ESRRG: variants seen among roughly 807,000 people sequenced by gnomAD.
ESRRG encodes the protein estrogen related receptor gamma.
A neutral mutation model predicts 44.0 loss-of-function variants in ESRRG; 13 were observed. The observed-to-expected ratio is 0.30, with a 90% CI of 0.19 to 0.47. The LOEUF is 0.47. Ranked by LOEUF, ESRRG falls within the 20% of genes least tolerant of loss-of-function variation. The probability of loss-of-function intolerance (pLI) is 1.00; values close to 1 mark genes in which losing one functional copy is unlikely to be tolerated. For missense variants in ESRRG, 395 were observed against 580.6 expected (o/e 0.68, Z 3.29); for synonymous variants, 215 against 214.6 (o/e 1.00, Z -0.02).
chr1:216,607,019 G>C (rs1347733949), intron 3 of ESRRG, among the ~76,000 whole-genome samples: 2 of 152,134 alleles, frequency 1.3e-5, no homozygotes, highest in African/African-American at 4.8e-5. Context: ...CTTGAAAGAG[G>C]CTGTTCACAG....
chr1:216,957,005 A>G (rs2068073286), intron 1 of ESRRG, among the ~76,000 whole-genome samples: 2 of 152,238 alleles, frequency 1.3e-5, no homozygotes, highest in South Asian at 4.1e-4. Context: ...GAAAAGCATC[A>G]TATCACTGTG....
At chr1:216,946,275 G>A (rs894450022) in intron 1 of ESRRG, among the ~76,000 whole-genome samples, 29 of 152,260 alleles carry the variant, frequency 1.9e-4, no homozygotes, top group African/African-American at 6.5e-4. Flanking sequence ...GTAAAACCAA[G>A]CAACAGGCAC....
chr1:216,946,687 TC>T (rs1274044052), intron 1 of ESRRG, among the ~76,000 whole-genome samples: 1 of 151,968 alleles, frequency 6.6e-6, no homozygotes, highest in East Asian at 1.9e-4. Context: ...CAGACCACCC[TC>T]CCCCCATATC....
At chr1:216,926,758 G>A (rs2062640272) in intron 2 of ESRRG, among the ~76,000 whole-genome samples, 2 of 152,206 alleles carry the variant, frequency 1.3e-5, no homozygotes, top group Admixed American at 1.3e-4. Context: ...TCCCCTGGGG[G>A]ATCTGAAGGT....
chr1:216,658,911 A>G (rs1574907203), intron 2 of ESRRG, among the ~76,000 whole-genome samples: 1 of 148,614 alleles, frequency 6.7e-6, no homozygotes. Context: ...AAGAGAAGAG[A>G]AGAGAAATAA....
chr1:216,522,012 T>TACAAATTA (rs1333687444), intron 5 of ESRRG, among the ~76,000 whole-genome samples: 2 of 152,146 alleles, frequency 1.3e-5, no homozygotes, highest in East Asian at 3.9e-4. Flanking sequence ...CCCTGTGATT[T>TACAAATTA]ACAAATTAAC....
intron 5 of ESRRG, among the ~76,000 whole-genome samples, chr1:216,526,576 C>T (rs2047721597): frequency 6.6e-6 from 1 of 152,094 alleles, no homozygotes; most frequent in African/African-American, 2.4e-5. Flanking sequence ...AGCTGTGAGC[C>T]AATATATTTC....
Position 216,827,868 on chromosome 1 carries a change from T to A in ESRRG, c.-14+111714A>T, listed in dbSNP as rs572024487. On this transcript the variant is annotated intron_variant, in intron 2 of 7. Coordinates refer to the ESRRG transcript ENST00000359162. Reference sequence around the variant, plus strand: ...AGCTTATTTCCAAATAGAATCTGAATCAAGAAAGACTTAATGTATAAGGTA... The same window carrying A: ...AGCTTATTTCCAAATAGAATCTGAAACAAGAAAGACTTAATGTATAAGGTA... Among the ~76,000 whole-genome samples, 3 of 152,240 alleles carry A rather than the reference T, an allele frequency of 2.0e-5. No homozygotes were observed. The East Asian group carries it at 5.8e-4, about 30-fold the overall frequency.
In ESRRG at chr1:216,925,341, G is replaced by A. The variant is rs536704354; in HGVS notation, c.-14+14241C>T. Among the ~76,000 whole-genome samples, 17 of 152,276 alleles carry A rather than the reference G, an allele frequency of 1.1e-4. No homozygotes were observed. The South Asian group carries it at 3.5e-3, about 32-fold the overall frequency. On this transcript the variant is annotated intron_variant, in intron 2 of 7. Transcript: ENST00000359162. ...AGTCCCAGCTACTTGGGAGGCTGAG[G>A]AAGGAAAATTGCCTGAACCCGGGAG...
chr1:216,593,953 A>G (rs574950530), intron 3 of ESRRG, among the ~76,000 whole-genome samples: 1 of 152,230 alleles, frequency 6.6e-6, no homozygotes, highest in South Asian at 2.1e-4. Flanking sequence ...GGCTGGTGTC[A>G]AACTCCTGGG....
rs140965526 is a variant in ESRRG, at chr1:216,597,496, A to G, written c.590-29398T>C. Reference sequence around the variant, plus strand: ...AAAAGCAGGAAAAAGCAGGATTTGGAACTGTGTTTTCTAACATGTGTTATG... The same window carrying G: ...AAAAGCAGGAAAAAGCAGGATTTGGGACTGTGTTTTCTAACATGTGTTATG... On this transcript the variant is annotated intron_variant, in intron 3 of 6. Transcript: ENST00000408911. Among the ~76,000 whole-genome samples, 164 of 152,264 alleles carry G rather than the reference A, an allele frequency of 1.1e-3. 1 individual carries two copies. Among genetic ancestry groups the G allele is most frequent in the African/African-American group, 3.7e-3 (154 of 41,550 alleles).
chr1:216,717,283 T>C (rs1233640167), intron 1 of ESRRG, among the ~76,000 whole-genome samples: 3 of 151,808 alleles, frequency 2.0e-5, no homozygotes, highest in Non-Finnish European at 4.4e-5. Context: ...ACAAGAAACA[T>C]GTGTCACTTC....
chr1:216,739,919 G>A (rs2813703), intron 2 of ESRRG, among the ~76,000 whole-genome samples: 80,505 of 151,852 alleles, frequency 0.53, 22,533 homozygotes, highest in East Asian at 0.73. Flanking sequence ...AGTTTATCCT[G>A]CCAGACTCCT....
At chr1:216,705,276 T>G (rs1296065341) in intron 1 of ESRRG, among the ~76,000 whole-genome samples, 1 of 152,100 alleles carries the variant, frequency 6.6e-6, no homozygotes, top group Non-Finnish European at 1.5e-5. Flanking sequence ...GGTAGCCAAC[T>G]AAAATATTCT....
chr1:216,839,889 A>T (rs2095624685), intron 2 of ESRRG, among the ~76,000 whole-genome samples: 1 of 152,238 alleles, frequency 6.6e-6, no homozygotes, highest in African/African-American at 2.4e-5. Flanking sequence ...GTAAACAGTC[A>T]ACCAGGCTTT....
chr1:216,895,948 T>G (rs186218213), intron 2 of ESRRG, among the ~76,000 whole-genome samples: 177 of 152,346 alleles, frequency 1.2e-3, no homozygotes, highest in African/African-American at 4.1e-3. Context: ...TCTCTTTAAC[T>G]AGAGATTCAA....
At chr1:216,980,055 A>G (rs1362362307) in intron 1 of ESRRG, among the ~76,000 whole-genome samples, 2 of 152,008 alleles carry the variant, frequency 1.3e-5, no homozygotes, top group African/African-American at 4.8e-5. Context: ...TTTTCTTTCT[A>G]CCCAATTAAA....
At chr1:217,099,720 G>T (rs543878521) in intron 1 of ESRRG, among the ~76,000 whole-genome samples, 1 of 152,294 alleles carries the variant, frequency 6.6e-6, no homozygotes, top group South Asian at 2.1e-4. Context: ...CTGTAACACA[G>T]GTGTTAGTTG....
At chr1:216,600,034 A>G (rs1362415189) in intron 3 of ESRRG, among the ~76,000 whole-genome samples, 2 of 152,240 alleles carry the variant, frequency 1.3e-5, no homozygotes, top group East Asian at 3.9e-4. Flanking sequence ...GCCCCTGTTA[A>G]CAAAACCTAA....
Sources: allele counts gnomAD v4.1 joint callset (sites outside exome capture counted in the v4.1 genomes callset), GRCh38; gene constraint gnomAD v4.1.1; transcripts MANE v1.5; gene names NCBI Gene and HGNC (gene_info 2026-07-23, HGNC 2026-07-21).